FRMD4A: variants seen among roughly 807,000 people sequenced by gnomAD.
The protein encoded by FRMD4A is FERM domain-containing protein 4A.
In FRMD4A, 29 loss-of-function variants were observed where a neutral mutation model predicts 129.1. That is an observed-to-expected ratio of 0.22 (90% CI 0.17 to 0.31). The LOEUF is 0.31. Among genes scored for constraint, FRMD4A ranks in the 10% least tolerant of loss-of-function variants. FRMD4A has a pLI of 1.00. For synonymous variants in FRMD4A, 634 were observed against 571.6 expected, an observed-to-expected ratio of 1.11 and a Z score of -1.56; for missense variants, 1,272 against 1,375.8, an observed-to-expected ratio of 0.92 and a Z score of 1.19.
At chr10:14,112,529 T>G (rs1432298752) in intron 2 of FRMD4A, among the ~76,000 whole-genome samples, 1 of 152,210 alleles carries the variant, frequency 6.6e-6, no homozygotes, top group African/African-American at 2.4e-5. Flanking sequence ...ATGATTAAAC[T>G]TTCTTCCTTT....
chr10:13,756,634 GGATTAAAGACGT>G (rs1445043882), intron 8 of FRMD4A, among the ~76,000 whole-genome samples: 100 of 152,258 alleles, frequency 6.6e-4, no homozygotes, highest in African/African-American at 2.4e-3. Context: ...CAAAGTGCTG[GGATTAAAGACGT>G]GAGCCACCAT....
chr10:14,329,498 T>C (rs1236030024), intron 2 of FRMD4A, among the ~76,000 whole-genome samples: 1 of 152,114 alleles, frequency 6.6e-6, no homozygotes, highest in African/African-American at 2.4e-5. Context: ...CCTGGACAAG[T>C]CCTGCCAAGG....
chr10:14,217,424 G>A (rs1055123203), intron 2 of FRMD4A, among the ~76,000 whole-genome samples: 13 of 152,178 alleles, frequency 8.5e-5, no homozygotes, highest in Non-Finnish European at 1.3e-4. Context: ...AGATGTGATG[G>A]TTTGATAAGG....
At chr10:13,850,886 G>T (rs1453559487) in intron 3 of FRMD4A, among the ~76,000 whole-genome samples, 1 of 152,216 alleles carries the variant, frequency 6.6e-6, no homozygotes, top group African/African-American at 2.4e-5. Context: ...CAGTTACTGT[G>T]AGGATTAAAT....
chr10:13,949,732 G>A (rs986555565), intron 2 of FRMD4A, among the ~76,000 whole-genome samples: 11 of 152,010 alleles, frequency 7.2e-5, no homozygotes, highest in African/African-American at 1.9e-4. Context: ...TTTTATAGAC[G>A]AGGGCACTAA....
chr10:13,728,197 T>C (rs564218342), intron 12 of FRMD4A, among the ~76,000 whole-genome samples: 1 of 152,318 alleles, frequency 6.6e-6, no homozygotes, highest in East Asian at 1.9e-4. Context: ...TGTTTAGTGC[T>C]TTAGTTTTAT....
At chr10:13,782,216 G>C (rs377100433) in intron 6 of FRMD4A, among the ~76,000 whole-genome samples, 6 of 152,040 alleles carry the variant, frequency 3.9e-5, no homozygotes, top group East Asian at 3.8e-4. Flanking sequence ...AACTAAAAAT[G>C]GTCAAATATA....
intron 2 of FRMD4A, among the ~76,000 whole-genome samples, chr10:14,318,358 A>G (rs918154280): frequency 1.3e-5 from 2 of 148,418 alleles, no homozygotes; most frequent in Non-Finnish European, 3.0e-5. Context: ...CACATGGGCA[A>G]TAAAGACACA....
chr10:13,975,449 C>T (rs892433012), intron 2 of FRMD4A, among the ~76,000 whole-genome samples: 3 of 151,128 alleles, frequency 2.0e-5, no homozygotes, highest in East Asian at 1.9e-4. Context: ...CATGTCTATT[C>T]GTGTGTCTGT....
At position 13,777,791 on chromosome 10, in the gene FRMD4A, ATT is replaced by A. The variant is rs34059772; in HGVS notation, c.384+5129_384+5130del. Among the ~76,000 whole-genome samples the A allele has an allele frequency of 7.6e-3, 657 of 85,952 alleles. 5 individuals are homozygous for A. The highest frequency in any genetic ancestry group is 0.027 in the African/African-American group (595 of 22,446). 56.4% of individuals were successfully genotyped at this position (85,952 alleles called of 152,430 possible). ...GTCTGCCCAAGTAGGCTTTGGGTCA[ATT>A]TTTTTTTTTTTTTTTTTTTTTTTGA... On this transcript the variant is annotated intron_variant, in intron 6 of 24. Transcript: ENST00000357447.
chr10:13,930,241 C>A (rs999583280), intron 2 of FRMD4A, among the ~76,000 whole-genome samples: 1 of 152,194 alleles, frequency 6.6e-6, no homozygotes, highest in Non-Finnish European at 1.5e-5. Context: ...GAGGCTCTAC[C>A]TCCTTCACTC....
chr10:13,852,205 A>G (rs757449965), intron 3 of FRMD4A, among the ~76,000 whole-genome samples: 11 of 152,104 alleles, frequency 7.2e-5, no homozygotes, highest in Non-Finnish European at 1.5e-4. Flanking sequence ...CATCCAAAAG[A>G]AATACAACGT....
intron 2 of FRMD4A, among the ~76,000 whole-genome samples, chr10:14,106,575 C>T (rs1030647638): frequency 1.2e-4 from 18 of 152,322 alleles, no homozygotes; most frequent in African/African-American, 4.3e-4. Flanking sequence ...ACAATCTCAT[C>T]AATTTCCTTT....
intron 2 of FRMD4A, among the ~76,000 whole-genome samples, chr10:13,977,754 G>A (rs1288089507): frequency 6.6e-6 from 1 of 152,192 alleles, no homozygotes; most frequent in Non-Finnish European, 1.5e-5. Context: ...TATTAATGGG[G>A]TCTTTGTGGC....
intron 2 of FRMD4A, among the ~76,000 whole-genome samples, chr10:14,185,290 C>T (rs17154797): frequency 0.033 from 5,019 of 151,992 alleles, 175 homozygotes; most frequent in East Asian, 0.14. Flanking sequence ...TGAGAGATCC[C>T]AGCAGAAGGA....
At chr10:14,147,173 G>T (rs1004511642) in intron 2 of FRMD4A, among the ~76,000 whole-genome samples, 1 of 152,270 alleles carries the variant, frequency 6.6e-6, no homozygotes, top group Non-Finnish European at 1.5e-5. Flanking sequence ...ATGCCAACCT[G>T]CAGTAGAAGG....
At chr10:14,088,451 A>AAAAAAAAAAAAAAAAG (rs1362160678) in intron 2 of FRMD4A, among the ~76,000 whole-genome samples, 61 of 151,110 alleles carry the variant, frequency 4.0e-4, no homozygotes, top group Admixed American at 3.0e-3. Context: ...CCTAAAAGAA[A>AAAAAAAAAAAAAAAAG]AAAAAAAAAA....
chr10:14,278,052 C>G (rs1845400857), intron 2 of FRMD4A, among the ~76,000 whole-genome samples: 1 of 152,198 alleles, frequency 6.6e-6, no homozygotes, highest in Admixed American at 6.5e-5. Flanking sequence ...GCTCGCAACA[C>G]AAGCTCTATC....
chr10:13,677,068 C>T (rs2084068994), intron 15 of FRMD4A, among the ~76,000 whole-genome samples: 1 of 152,202 alleles, frequency 6.6e-6, no homozygotes, highest in African/African-American at 2.4e-5. Flanking sequence ...CTCTGCTTCA[C>T]TTAAATTGTC....
Sources: gnomAD v4.1 joint callset for allele counts (sites outside exome capture counted in the v4.1 genomes callset) on GRCh38, gnomAD v4.1.1 for gene constraint, MANE v1.5 for transcripts, NCBI Gene and HGNC (gene_info 2026-07-23, HGNC 2026-07-21) for gene names.